Variants in GRID2 observed in about 807,000 individuals in gnomAD.
The protein encoded by GRID2 is glutamate receptor ionotropic, delta-2.
Under a neutral mutation model 114.8 loss-of-function variants are expected in GRID2, and 33 were observed. The ratio of observed to expected loss-of-function variants is 0.29; its 90% CI spans 0.22 to 0.38. GRID2 has a LOEUF of 0.38. Among genes scored for constraint, GRID2 ranks in the 10% least tolerant of loss-of-function variants. GRID2 has a pLI of 1.00. For synonymous variants in GRID2, 505 were observed against 449.9 expected (o/e 1.12, Z -1.55); for missense variants, 1,184 against 1,257.7 (o/e 0.94, Z 0.89).
intron 1 of GRID2, among the ~76,000 whole-genome samples, chr4:92,375,252 A>G (rs923648214): frequency 2.0e-5 from 3 of 152,212 alleles, no homozygotes; most frequent in African/African-American, 7.2e-5. Flanking sequence ...TCTATAAGAA[A>G]GACATAGAAT....
At chr4:93,118,271 G>A (rs556714942) in intron 4 of GRID2, among the ~76,000 whole-genome samples, 1 of 152,130 alleles carries the variant, frequency 6.6e-6, no homozygotes, top group East Asian at 1.9e-4. Flanking sequence ...ATGGTTGTTG[G>A]CTCATATACG....
chr4:93,329,889 G>T (rs1407217260), intron 8 of GRID2, among the ~76,000 whole-genome samples: 1 of 149,680 alleles, frequency 6.7e-6, no homozygotes, highest in African/African-American at 2.5e-5. Context: ...AAAAGAGCCA[G>T]GCTCACTGGA....
At position 93,290,872 on chromosome 4, in the gene GRID2, C is replaced by CTTTTT. The variant is rs56735687; in HGVS notation, c.1245+52401_1245+52405dup. Among the ~76,000 whole-genome samples the CTTTTT allele has an allele frequency of 3.4e-4, 30 of 88,526 alleles. 1 individual carries two copies. The highest frequency in any genetic ancestry group is 3.9e-4 in the Non-Finnish European group (19 of 48,378). 58.1% of individuals were successfully genotyped at this position (88,526 alleles called of 152,430 possible). ...AAAGGGTTCAAAAGCATACAAGTTA[C>CTTTTT]TTTTTTTTTTTTTTTTTTTTTTTGA... On this transcript the variant is annotated intron_variant, in intron 8 of 15. Transcript: ENST00000282020.
chr4:93,187,147 A>T (rs961184458), intron 4 of GRID2, among the ~76,000 whole-genome samples: 12 of 152,318 alleles, frequency 7.9e-5, no homozygotes, highest in African/African-American at 2.6e-4. Context: ...CACTTTGATG[A>T]GTAGGTTTTC....
intron 13 of GRID2, among the ~76,000 whole-genome samples, chr4:93,549,106 T>A (rs761002414): frequency 5.3e-5 from 8 of 152,200 alleles, no homozygotes; most frequent in South Asian, 2.1e-4. Context: ...TGCAGCATTT[T>A]AAAAAAATTT....
At chr4:93,323,393 T>C (rs1235697723) in intron 8 of GRID2, among the ~76,000 whole-genome samples, 3 of 152,140 alleles carry the variant, frequency 2.0e-5, no homozygotes, top group Non-Finnish European at 2.9e-5. Flanking sequence ...TCTGTTCTGT[T>C]CCATTGGTCT....
chr4:92,590,318 G>T, intron 2 of GRID2, 32 bp downstream of exon 2: 1 of 1,527,740 alleles, frequency 6.5e-7, no homozygotes, highest in Non-Finnish European at 8.9e-7. Flanking sequence ...TTGGTTTTTT[G>T]GTTCAATTCA....
chr4:92,557,340 T>A (rs1339376886), intron 1 of GRID2, among the ~76,000 whole-genome samples: 1 of 151,600 alleles, frequency 6.6e-6, no homozygotes, highest in African/African-American at 2.4e-5. Context: ...TTTAATTTTA[T>A]AATGATTTGA....
At chr4:93,576,255 T>C (rs1042582249) in intron 13 of GRID2, among the ~76,000 whole-genome samples, 1 of 152,178 alleles carries the variant, frequency 6.6e-6, no homozygotes. Context: ...TCAATAGCAA[T>C]CAATTTTCTA....
intron 14 of GRID2, among the ~76,000 whole-genome samples, chr4:93,670,117 T>C (rs1171139126): frequency 6.6e-6 from 1 of 152,148 alleles, no homozygotes; most frequent in Non-Finnish European, 1.5e-5. Flanking sequence ...AATTTTTCAC[T>C]TTTACAGCAG....
intron 2 of GRID2, among the ~76,000 whole-genome samples, chr4:92,920,935 C>A (rs1400101335): frequency 6.6e-6 from 1 of 152,174 alleles, no homozygotes; most frequent in Non-Finnish European, 1.5e-5. Context: ...TAATATCCTG[C>A]AGAGTGTTTT....
intron 2 of GRID2, among the ~76,000 whole-genome samples, chr4:92,934,535 T>C (rs1376700799): frequency 1.4e-5 from 2 of 146,166 alleles, no homozygotes; most frequent in Non-Finnish European, 3.0e-5. Context: ...TGGAAAAAAC[T>C]ACTTTAAAGT....
At chr4:92,977,139 A>G (rs977602524) in intron 2 of GRID2, among the ~76,000 whole-genome samples, 10 of 152,294 alleles carry the variant, frequency 6.6e-5, no homozygotes, top group Admixed American at 2.6e-4. Context: ...GTAAGCAAAT[A>G]TATTTGGAAG....
At chr4:92,808,171 G>C (rs1290000283) in intron 2 of GRID2, among the ~76,000 whole-genome samples, 1 of 151,958 alleles carries the variant, frequency 6.6e-6, no homozygotes, top group African/African-American at 2.4e-5. Flanking sequence ...TATCACTAGA[G>C]ACTGGAAGAA....
chr4:92,627,327 C>A (rs183277787), intron 2 of GRID2, among the ~76,000 whole-genome samples: 1 of 152,026 alleles, frequency 6.6e-6, no homozygotes, highest in South Asian at 2.1e-4. Context: ...TAAATCTCTC[C>A]GTTTTTACCT....
intron 2 of GRID2, among the ~76,000 whole-genome samples, chr4:92,833,442 A>G (rs959486624): frequency 3.0e-4 from 45 of 152,206 alleles, no homozygotes; most frequent in African/African-American, 1.1e-3. Context: ...TTAATAAACA[A>G]TTCAGCAAAT....
At chr4:92,974,894 A>G (rs1753758074) in intron 2 of GRID2, among the ~76,000 whole-genome samples, 1 of 152,032 alleles carries the variant, frequency 6.6e-6, no homozygotes, top group Non-Finnish European at 1.5e-5. Flanking sequence ...GCGGCGGCTC[A>G]CGCCTGTAAT....
intron 2 of GRID2, among the ~76,000 whole-genome samples, chr4:92,720,034 A>G (rs559515166): frequency 6.6e-6 from 1 of 152,250 alleles, no homozygotes; most frequent in Non-Finnish European, 1.5e-5. Context: ...TAACATAAAT[A>G]CATATATTAA....
At chr4:93,283,933 T>G (rs908205937) in intron 8 of GRID2, among the ~76,000 whole-genome samples, 1 of 152,074 alleles carries the variant, frequency 6.6e-6, no homozygotes, top group Non-Finnish European at 1.5e-5. Flanking sequence ...TCTATAATAT[T>G]GTGTGTCATA....
Sources: gnomAD v4.1 joint callset for allele counts (sites outside exome capture counted in the v4.1 genomes callset) on GRCh38, gnomAD v4.1.1 for gene constraint, MANE v1.5 for transcripts, NCBI Gene and HGNC (gene_info 2026-07-23, HGNC 2026-07-21) for gene names.